Variants in DAG1 observed in about 807,000 individuals in gnomAD.
DAG1 encodes dystroglycan 1, also known as dystroglycan 1 (dystrophin-associated glycoprotein 1).
DAG1 carries 8 observed loss-of-function variants against 46.1 expected under a neutral mutation model. The ratio of observed to expected loss-of-function variants is 0.17; its 90% CI spans 0.10 to 0.31. DAG1 has a LOEUF of 0.31. Ranked by LOEUF, DAG1 falls within the 10% of genes least tolerant of loss-of-function variation. DAG1 has a pLI of 1.00. For missense variants in DAG1, 1,003 were observed against 1,189.9 expected (o/e 0.84, Z 2.31); for synonymous variants, 495 against 481.8 (o/e 1.03, Z -0.36).
intron 1 of DAG1, among the ~76,000 whole-genome samples, chr3:49,492,367 C>T (rs1559554458): frequency 6.6e-6 from 1 of 152,162 alleles, no homozygotes; most frequent in Non-Finnish European, 1.5e-5. Context: ...ATGATTTGGA[C>T]TGGATGTGGT....
chr3:49,489,395 G>T (rs2050123305), intron 1 of DAG1, among the ~76,000 whole-genome samples: 1 of 152,064 alleles, frequency 6.6e-6, no homozygotes, highest in Non-Finnish European at 1.5e-5. Context: ...CCTGGCCCTT[G>T]AATTACTTTT....
In DAG1 at chr3:49,491,212, G is replaced by A. The variant is rs2050173186; in HGVS notation, c.-116-19207G>A. On this transcript the variant is annotated intron_variant, in intron 1 of 2. Coordinates refer to ENST00000308775, the MANE Select transcript of DAG1 (RefSeq NM_004393.6). ...TTTAATAGAGATGGGGTCCCACTAT[G>A]TTGCCGGGGCTGGTCTCAAACTCCT... Among the ~76,000 whole-genome samples, 4 of 151,390 alleles carry A rather than the reference G, an allele frequency of 2.6e-5. No homozygotes were observed. The South Asian group carries it at 8.3e-4, about 32-fold the overall frequency.
intron 1 of DAG1, among the ~76,000 whole-genome samples, chr3:49,480,337 G>C (rs564353914): frequency 7.1e-6 from 1 of 141,158 alleles, no homozygotes; most frequent in East Asian, 2.1e-4. Context: ...GTGCAGTGGC[G>C]CGATCTCGGC....
Position 49,498,400 on chromosome 3 carries a change from A to AT in DAG1, c.-116-12008dup, listed in dbSNP as rs533054500. Among the ~76,000 whole-genome samples the AT allele has an allele frequency of 2.1e-3, 315 of 146,622 alleles. 3 individuals carry two copies. Among genetic ancestry groups the AT allele is most frequent in the African/African-American group, 5.3e-3 (212 of 40,198 alleles). ...TTAACTAGAAGCAGAGACATTTGCC[A>AT]TTTTTTTTTTTAATATTTGGAGCTC... On this transcript the variant is annotated intron_variant, in intron 1 of 2. Coordinates refer to ENST00000308775, the MANE Select transcript of DAG1 (RefSeq NM_004393.6).
chr3:49,511,366 TG>T (rs1174979140), intron 2 of DAG1, among the ~76,000 whole-genome samples: 2 of 152,132 alleles, frequency 1.3e-5, no homozygotes, highest in Non-Finnish European at 2.9e-5. Flanking sequence ...AAGAGTGTCT[TG>T]GTTGACCCAG....
intron 1 of DAG1, among the ~76,000 whole-genome samples, chr3:49,473,954 G>T (rs1040068466): frequency 1.3e-5 from 2 of 151,498 alleles, no homozygotes; most frequent in African/African-American, 4.9e-5. Context: ...TGGGATCTTG[G>T]CTCACTGCAG....
intron 2 of DAG1, among the ~76,000 whole-genome samples, chr3:49,523,927 A>G (rs1185547132): frequency 6.6e-6 from 1 of 152,228 alleles, no homozygotes; most frequent in Non-Finnish European, 1.5e-5. Context: ...CTCATGGAGT[A>G]GAAGAATGAG....
intron 2 of DAG1, among the ~76,000 whole-genome samples, chr3:49,521,890 C>T (rs2051036369): frequency 6.6e-6 from 1 of 152,010 alleles, no homozygotes; most frequent in African/African-American, 2.4e-5. Flanking sequence ...CGCTCTGTCG[C>T]CCAGGCTGGA....
At chr3:49,471,974 C>T (rs769329340) in intron 1 of DAG1, among the ~76,000 whole-genome samples, 26 of 152,122 alleles carry the variant, frequency 1.7e-4, no homozygotes, top group Non-Finnish European at 3.7e-4. Context: ...TGGGGGACAT[C>T]AAGGCCTGGA....
intron 2 of DAG1, among the ~76,000 whole-genome samples, chr3:49,519,186 T>C (rs2050968181): frequency 6.6e-6 from 1 of 152,046 alleles, no homozygotes; most frequent in African/African-American, 2.4e-5. Flanking sequence ...GGCTGAGAAA[T>C]GTGATTATAT....
intron 2 of DAG1, among the ~76,000 whole-genome samples, chr3:49,530,588 G>T (rs1427746972): frequency 7.2e-5 from 11 of 152,108 alleles, no homozygotes; most frequent in Non-Finnish European, 1.5e-5. Flanking sequence ...TGAGATATTT[G>T]CCTCCCAAGT....
At chr3:49,506,600 A>G (rs1186040548) in intron 1 of DAG1, among the ~76,000 whole-genome samples, 2 of 152,126 alleles carry the variant, frequency 1.3e-5, no homozygotes, top group Non-Finnish European at 2.9e-5. Flanking sequence ...TTAATTTTCA[A>G]ATATTGAGCT....
chr3:49,476,452 G>A (rs778562157), intron 1 of DAG1, among the ~76,000 whole-genome samples: 2 of 152,000 alleles, frequency 1.3e-5, no homozygotes, highest in Admixed American at 6.6e-5. Context: ...TTAGCTGGGC[G>A]TGGTGGCGCA....
At chr3:49,480,115 A>ATT (rs34246427) in intron 1 of DAG1, among the ~76,000 whole-genome samples, 1,255 of 108,728 alleles carry the variant, frequency 0.012, 24 homozygotes, top group Middle Eastern at 0.021. Context: ...ACACCCGGCT[A>ATT]TTTTTTTTTT....
chr3:49,525,249 G>T (rs2051136347), intron 2 of DAG1, among the ~76,000 whole-genome samples: 1 of 152,202 alleles, frequency 6.6e-6, no homozygotes, highest in Admixed American at 6.5e-5. Flanking sequence ...CTGCAGCCAG[G>T]TAGTGGCCGG....
chr3:49,508,664 T>A (rs1408873172), intron 1 of DAG1, among the ~76,000 whole-genome samples: 2 of 152,096 alleles, frequency 1.3e-5, no homozygotes, highest in Non-Finnish European at 2.9e-5. Context: ...CCTCCCAAAG[T>A]GCTAGGGTTA....
intron 1 of DAG1, among the ~76,000 whole-genome samples, chr3:49,481,983 T>A: frequency 6.6e-6 from 1 of 152,220 alleles, no homozygotes; most frequent in South Asian, 2.1e-4. Context: ...TTTATCATCG[T>A]CATCATTTCC....
intron 1 of DAG1, among the ~76,000 whole-genome samples, chr3:49,472,774 T>G (rs1308148546): frequency 6.8e-6 from 1 of 147,302 alleles, no homozygotes; most frequent in East Asian, 2.1e-4. Context: ...GCCACTGCAC[T>G]CCAGCCTGGG....
intron 1 of DAG1, among the ~76,000 whole-genome samples, chr3:49,500,254 G>T (rs983578968): frequency 5.3e-5 from 8 of 152,064 alleles, no homozygotes; most frequent in African/African-American, 1.9e-4. Context: ...CTCGTGATCT[G>T]CCCGCCTCAG....
Sources: gnomAD v4.1 joint callset for allele counts (sites outside exome capture counted in the v4.1 genomes callset) on GRCh38, gnomAD v4.1.1 for gene constraint, MANE v1.5 for transcripts, NCBI Gene and HGNC (gene_info 2026-07-23, HGNC 2026-07-21) for gene names.